Variants in USP12 observed in about 807,000 individuals in gnomAD.
USP12 encodes the protein ubiquitin specific peptidase 12.
A neutral mutation model predicts 45.5 loss-of-function variants in USP12; 19 were observed. The ratio of observed to expected loss-of-function variants is 0.42; its 90% confidence interval spans 0.29 to 0.61. USP12 has a LOEUF of 0.61. Ranked by LOEUF, USP12 falls within the 20% of genes least tolerant of loss-of-function variation. USP12 has a pLI of 0.22. For synonymous variants in USP12, 149 were observed against 148.8 expected, an observed-to-expected ratio of 1.00 and a Z score of -0.01; for missense variants, 242 against 447.7, an observed-to-expected ratio of 0.54 and a Z score of 4.15.
At chr13:27,073,469 AG>A (rs920892350) in intron 7 of USP12, among the ~76,000 whole-genome samples, 2 of 152,196 alleles carry the variant, frequency 1.3e-5, no homozygotes, top group African/African-American at 4.8e-5. Context: ...AAAAAGGGAA[AG>A]GGTCAAGAGA....
chr13:27,087,120 T>C (rs922556057), intron 6 of USP12, among the ~76,000 whole-genome samples: 18 of 151,508 alleles, frequency 1.2e-4, no homozygotes, highest in Non-Finnish European at 1.5e-4. Context: ...TGTGTGTGTG[T>C]GTGCGTGTGT....
chr13:27,069,630 A>G (rs1332648667), intron 8 of USP12, among the ~76,000 whole-genome samples: 1 of 152,182 alleles, frequency 6.6e-6, no homozygotes, highest in African/African-American at 2.4e-5. Flanking sequence ...TGAAACCACT[A>G]ATAACTATTT....
In USP12 at chr13:27,116,583, G is replaced by A. The variant is rs1875753250; in HGVS notation, c.62C>T (p.Ser21Leu). ...ASICTMGANA[S>L]ALEKEIGPEQ... ...TGGACCAATCTCTTTCTCTAATGCCGAAGCATTGGCGCCCTATAAAATGAA... is the reference window on the plus strand; with the variant it reads ...TGGACCAATCTCTTTCTCTAATGCCAAAGCATTGGCGCCCTATAAAATGAA... The change falls in exon 2 of 9, where the codon TCG (serine) becomes TTG (leucine). Residue 21 changes from serine (S) to leucine (L), a missense_variant. By Grantham distance (145) the Ser-to-Leu change is moderately radical. Coordinates refer to ENST00000282344, the MANE Select transcript of USP12 (RefSeq NM_182488.4). 2 of 1,612,114 alleles carry A rather than the reference G, an allele frequency of 1.2e-6. No individual in the cohort carries two copies. The highest frequency in any genetic ancestry group is 8.5e-7 in the Non-Finnish European group (1 of 1,179,724).
chr13:27,106,018 T>C, intron 2 of USP12, 74 bp from the exon 3 acceptor site: 1 of 1,296,836 alleles, frequency 7.7e-7, no homozygotes, highest in Non-Finnish European at 1.1e-6. Flanking sequence ...CGGTATATGG[T>C]TGAGAACAGA....
chr13:27,122,734 A>ATAGTACTTT (rs1336345141), intron 1 of USP12, among the ~76,000 whole-genome samples: 1 of 152,188 alleles, frequency 6.6e-6, no homozygotes, highest in Non-Finnish European at 1.5e-5. Context: ...TTAATATCAG[A>ATAGTACTTT]TAGTACTTTT....
intron 2 of USP12, among the ~76,000 whole-genome samples, chr13:27,107,623 G>A (rs1331746469): frequency 1.3e-5 from 2 of 152,198 alleles, no homozygotes; most frequent in Non-Finnish European, 2.9e-5. Flanking sequence ...GCAGCAACAA[G>A]TTTCTCCTAT....
At chr13:27,098,367 A>T (rs372849567) in intron 3 of USP12, among the ~76,000 whole-genome samples, 3 of 1,808 alleles carry the variant, frequency 1.7e-3, no homozygotes, top group Non-Finnish European at 0.033. Flanking sequence ...CAGAATATTT[A>T]AAAAAAAACC....
At chr13:27,116,677 A>C in intron 1 of USP12, 81 bp from the exon 2 acceptor site, 1 of 1,307,836 alleles carries the variant, frequency 7.6e-7, no homozygotes, top group South Asian at 1.3e-5. Context: ...GACAGGCCGC[A>C]ACATGATGGT....
intron 3 of USP12, among the ~76,000 whole-genome samples, chr13:27,100,007 C>G (rs889277167): frequency 2.0e-5 from 3 of 152,316 alleles, no homozygotes; most frequent in Non-Finnish European, 4.4e-5. Flanking sequence ...CCATTCCCCT[C>G]TCCCTGCTCA....
chr13:27,095,625 T>C lies in USP12; in HGVS notation c.549A>G (p.Glu183=). 1 of 1,607,336 alleles carries C rather than the reference T, an allele frequency of 6.2e-7. No individual in the cohort carries two copies. Among genetic ancestry groups the C allele is most frequent in the Non-Finnish European group, 8.5e-7 (1 of 1,177,900 alleles). The change falls in exon 4 of 9, where the codon GAA becomes GAG. Residue 183 remains glutamate (E), a synonymous_variant. Coordinates refer to ENST00000282344, the MANE Select transcript of USP12 (RefSeq NM_182488.4). ...HEIFQGTLTN[E]TRCLTCETIS... ...CAGTTTCACAAGTAAGACATCTGGT[T>C]TCATTAGTTAATGTTCCCTGAAAAA...
chr13:27,079,215 G>GTA (rs59784746), intron 6 of USP12, among the ~76,000 whole-genome samples: 1 of 138,582 alleles, frequency 7.2e-6, no homozygotes, highest in Non-Finnish European at 1.6e-5. Flanking sequence ...CTCCCTGTGT[G>GTA]GGGCGGGGGG....
rs1226117587 is a variant in USP12, at chr13:27,095,680, C to T, written c.494G>A (p.Ser165Asn). The T allele has an allele frequency of 1.2e-6, 2 of 1,613,162 alleles. No individual in the cohort carries two copies. Among genetic ancestry groups the T allele is most frequent in the East Asian group, 2.2e-5 (1 of 44,770 alleles). ...ATGAACCCACGTTGGGTCTGGTGTG[C>T]TGTTATTATTTTCATTATCAATATT... ...NGNIDNENNN[S>N]TPDPTWVHEI... Residue 165 changes from serine to asparagine, a missense_variant, in exon 4 of 9, where the codon AGC becomes AAC. Physicochemically the swap from Ser to Asn is conservative, Grantham distance 46 (BLOSUM62 1). Around this residue, in one of 5 missense-constraint regions of USP12, gnomAD observed 40 missense variants for 38.6 expected, o/e 1.04. Coordinates refer to ENST00000282344, the MANE Select transcript of USP12 (RefSeq NM_182488.4).
intron 1 of USP12, among the ~76,000 whole-genome samples, chr13:27,153,355 C>T (rs909550937): frequency 2.6e-5 from 4 of 152,198 alleles, no homozygotes; most frequent in African/African-American, 7.2e-5. Context: ...AACTCAAATT[C>T]ACTTTTAAAG....
At chr13:27,164,580 CT>C (rs1878268505) in intron 1 of USP12, among the ~76,000 whole-genome samples, 1 of 150,712 alleles carries the variant, frequency 6.6e-6, no homozygotes, top group Non-Finnish European at 1.5e-5. Flanking sequence ...AAAGCAAAGA[CT>C]TACTAGTTTT....
intron 1 of USP12, among the ~76,000 whole-genome samples, chr13:27,167,339 A>C (rs550433216): frequency 7.0e-4 from 107 of 152,156 alleles, no homozygotes; most frequent in African/African-American, 2.5e-3. Flanking sequence ...GCTTTCTTGG[A>C]GTTTTTATAT....
chr13:27,138,291 AAG>A (rs2137817544), intron 1 of USP12, among the ~76,000 whole-genome samples: 1 of 152,348 alleles, frequency 6.6e-6, no homozygotes, highest in African/African-American at 2.4e-5. Context: ...AGGCCGAAGA[AAG>A]AGGCTAACAA....
chr13:27,156,915 G>A (rs148683774), intron 1 of USP12, among the ~76,000 whole-genome samples: 8 of 152,252 alleles, frequency 5.3e-5, no homozygotes, highest in Non-Finnish European at 1.0e-4. Flanking sequence ...GCATGATCCG[G>A]CGGCAAAAGC....
chr13:27,121,202 G>C (rs1337624770), intron 1 of USP12, among the ~76,000 whole-genome samples: 1 of 151,986 alleles, frequency 6.6e-6, no homozygotes, highest in Non-Finnish European at 1.5e-5. Context: ...TTGGCACTTA[G>C]GAGTAGAGAC....
intron 6 of USP12, among the ~76,000 whole-genome samples, chr13:27,083,729 G>A (rs1300671151): frequency 1.3e-5 from 2 of 152,032 alleles, no homozygotes; most frequent in Non-Finnish European, 1.5e-5. Flanking sequence ...GAGTCTTCAG[G>A]AGCATGAATA....
Sources: allele counts gnomAD v4.1 joint callset (sites outside exome capture counted in the v4.1 genomes callset), GRCh38; gene constraint gnomAD v4.1.1; regional missense constraint gnomAD v4.1.1; transcripts MANE v1.5; gene names NCBI Gene and HGNC (gene_info 2026-07-23, HGNC 2026-07-21).